Variants in ESYT2 observed in about 807,000 individuals in gnomAD.
The protein encoded by ESYT2 is extended synaptotagmin-2.
Under a neutral mutation model 107.2 loss-of-function variants are expected in ESYT2, and 54 were observed. The observed-to-expected ratio is 0.50, with a 90% CI of 0.40 to 0.63. ESYT2 has a LOEUF of 0.63. ESYT2 is among the 30% of genes least tolerant of loss of function. The pLI, the probability that ESYT2 is intolerant of heterozygous loss-of-function variation, is 0.00. For missense variants in ESYT2, 1,020 were observed against 1,094.5 expected (o/e 0.93, Z 0.96); for synonymous variants, 491 against 434.1 (o/e 1.13, Z -1.63).
intron 3 of ESYT2, among the ~76,000 whole-genome samples, chr7:158,795,370 G>A (rs952545642): frequency 4.6e-5 from 7 of 152,230 alleles, no homozygotes; most frequent in Non-Finnish European, 7.3e-5. Context: ...TGTGTGTGAT[G>A]GAACTCAAAC....
chr7:158,735,569 T>G lies in ESYT2; in HGVS notation c.2439A>C (p.Arg813Ser). 6.2e-7 allele frequency: 1 copy of G among 1,614,140 alleles called. No homozygotes were observed. The highest frequency in any genetic ancestry group is 8.5e-7 in the Non-Finnish European group (1 of 1,179,968). Residue 813 changes from arginine (R) to serine (S), a missense_variant, in exon 21 of 23, where the codon AGA becomes AGC. Transcript: ENST00000275418. Reference sequence around the variant, plus strand: ...TGTTCTTCACGGCAACGTCGAGCGTTCTCCTCTGCACTTCTGGTAACGAAA... The same window carrying G: ...TGTTCTTCACGGCAACGTCGAGCGTGCTCCTCTGCACTTCTGGTAACGAAA... ...FSVSLPEVQR[R>S]TLDVAVKNSG...
intron 13 of ESYT2, among the ~76,000 whole-genome samples, chr7:158,754,824 G>A (rs1837698362): frequency 6.6e-6 from 1 of 152,152 alleles, no homozygotes; most frequent in Non-Finnish European, 1.5e-5. Flanking sequence ...TCTAGTCTGT[G>A]TCATCTGGGT....
At chr7:158,799,825 C>T (rs1298906876) in intron 1 of ESYT2, among the ~76,000 whole-genome samples, 1 of 151,986 alleles carries the variant, frequency 6.6e-6, no homozygotes, top group East Asian at 1.9e-4. Flanking sequence ...AGGGTTTGTA[C>T]AGGAGAAAAG....
intron 7 of ESYT2, among the ~76,000 whole-genome samples, chr7:158,770,477 A>G (rs1838321661): frequency 6.6e-6 from 1 of 151,144 alleles, no homozygotes; most frequent in African/African-American, 2.4e-5. Context: ...GTAAGTATAT[A>G]TTTTTAATGA....
intron 8 of ESYT2, 152 bp downstream of exon 8, chr7:158,767,502 G>T: frequency 1.0e-6 from 1 of 999,420 alleles, no homozygotes; most frequent in Non-Finnish European, 1.5e-6. Flanking sequence ...CTTAAGGAAA[G>T]TGACGGACAA....
intron 18 of ESYT2, among the ~76,000 whole-genome samples, chr7:158,740,869 T>G (rs186269696): frequency 6.6e-6 from 1 of 152,318 alleles, no homozygotes; most frequent in African/African-American, 2.4e-5. Flanking sequence ...TGTTACTATT[T>G]TCTTATTATT....
chr7:158,813,221 G>A (rs142921868), intron 1 of ESYT2, among the ~76,000 whole-genome samples: 144 of 152,240 alleles, frequency 9.5e-4, no homozygotes, highest in African/African-American at 3.2e-3. Flanking sequence ...TTCTAGAAAG[G>A]GCAAAACTAT....
chr7:158,739,732 G>A (rs1239348432), intron 18 of ESYT2, among the ~76,000 whole-genome samples: 1 of 152,106 alleles, frequency 6.6e-6, no homozygotes, highest in Non-Finnish European at 1.5e-5. Context: ...TGGACCCAGG[G>A]GACCCCAGAG....
intron 6 of ESYT2, among the ~76,000 whole-genome samples, chr7:158,775,149 T>C (rs1342142194): frequency 6.6e-6 from 1 of 152,192 alleles, no homozygotes; most frequent in Non-Finnish European, 1.5e-5. Flanking sequence ...GCAATAGCAT[T>C]ATATCTTTTT....
At chr7:158,769,066 T>G (rs1838264963) in intron 7 of ESYT2, among the ~76,000 whole-genome samples, 1 of 149,998 alleles carries the variant, frequency 6.7e-6, no homozygotes, top group Non-Finnish European at 1.5e-5. Context: ...ATTATTAACA[T>G]ACATAATTAC....
chr7:158,761,180 G>A (rs1298315097), intron 11 of ESYT2, among the ~76,000 whole-genome samples: 1 of 152,122 alleles, frequency 6.6e-6, no homozygotes, highest in Non-Finnish European at 1.5e-5. Flanking sequence ...GGGGCATCTC[G>A]CACAGCCCTG....
At position 158,797,935 on chromosome 7, in the gene ESYT2, C is replaced by T; in HGVS notation, c.507+7G>A. The T allele has an allele frequency of 1.2e-6, 2 of 1,613,438 alleles. No homozygotes were observed. The highest frequency in any genetic ancestry group is 8.5e-7 in the Non-Finnish European group (1 of 1,179,764). ...GTGCACGTGAGGATACTTAAGAGAA[C>T]ACTGACCTGCTGGCCCACGTCGACC... On this transcript the variant is annotated splice_region_variant and intron_variant, in intron 3 of 22. Coordinates refer to ENST00000275418, the MANE Select transcript of ESYT2 (RefSeq NM_001367773.1).
intron 1 of ESYT2, among the ~76,000 whole-genome samples, chr7:158,809,017 TAAAC>T (rs917654596): frequency 3.3e-5 from 5 of 151,810 alleles, no homozygotes; most frequent in African/African-American, 4.8e-5. Flanking sequence ...AACCAATAAA[TAAAC>T]AAATAAGTTT....
rs1840567512 is a variant in ESYT2 at position 158,829,451 on chromosome 7, A to AG, written c.-34dup. The AG allele has an allele frequency of 8.4e-6, 10 of 1,195,104 alleles. No homozygotes were observed. The highest frequency in any genetic ancestry group is 1.0e-5 in the Non-Finnish European group (10 of 966,468). The allele number at this position is 1,195,104 out of a possible 1,614,324, so 74.0% of individuals were successfully genotyped here. A position where few individuals can be genotyped will look rare whatever the true frequency, so the allele number is the denominator to read the frequency against. The stretch of plus-strand genomic sequence containing the variant: ...CAGTGCCGCGCTGCCCTCCCGGCCG[A>AG]GGCGGGCTGGGTGCTCGCGCTGATC... On this transcript the variant is annotated 5_prime_UTR_variant, in exon 1 of 23. Transcript: ENST00000275418.
chr7:158,735,819 C>T (rs1255791435), intron 20 of ESYT2, among the ~76,000 whole-genome samples: 1 of 152,184 alleles, frequency 6.6e-6, no homozygotes, highest in Non-Finnish European at 1.5e-5. Flanking sequence ...AAAGAAGGCT[C>T]TGGCATCCCA....
chr7:158,820,598 C>T (rs1232637318), intron 1 of ESYT2, among the ~76,000 whole-genome samples: 1 of 152,108 alleles, frequency 6.6e-6, no homozygotes, highest in African/African-American at 2.4e-5. Context: ...CAAGACCAGC[C>T]TGGGTAAGAA....
At chr7:158,752,129 C>T (rs1837607180) in intron 14 of ESYT2, among the ~76,000 whole-genome samples, 1 of 151,940 alleles carries the variant, frequency 6.6e-6, no homozygotes, top group Non-Finnish European at 1.5e-5. Flanking sequence ...AATTCCCCAC[C>T]TCTCCCTAAA....
intron 6 of ESYT2, among the ~76,000 whole-genome samples, chr7:158,784,066 G>A (rs1402233358): frequency 6.6e-6 from 1 of 152,182 alleles, no homozygotes; most frequent in Non-Finnish European, 1.5e-5. Flanking sequence ...CAGGGAGGAG[G>A]AGGAGGGTCT....
intron 1 of ESYT2, among the ~76,000 whole-genome samples, chr7:158,809,724 A>G (rs531903120): frequency 7.2e-5 from 11 of 152,340 alleles, no homozygotes; most frequent in African/African-American, 2.6e-4. Flanking sequence ...TTCAGCCTGA[A>G]GGTTTCCTAA....
Sources: gnomAD v4.1 joint callset for allele counts (sites outside exome capture counted in the v4.1 genomes callset) on GRCh38, gnomAD v4.1.1 for gene constraint, MANE v1.5 for transcripts, NCBI Gene and HGNC (gene_info 2026-07-23, HGNC 2026-07-21) for gene names.